Variants in GSDME observed in about 807,000 individuals in gnomAD.
GSDME encodes the protein gasdermin-E.
Under a neutral mutation model 47.5 loss-of-function variants are expected in GSDME, and 44 were observed. The ratio of observed to expected loss-of-function variants is 0.93; its 90% CI spans 0.73 to 1.19. GSDME has a LOEUF of 1.19. GSDME is among the 50% of genes most tolerant of loss of function. The pLI, the probability that GSDME is intolerant of heterozygous loss-of-function variation, is 0.00. For synonymous variants in GSDME, 258 were observed against 252.8 expected (o/e 1.02, Z -0.20); for missense variants, 663 against 604.2 (o/e 1.10, Z -1.02).
At position 24,745,701 on chromosome 7, in the gene GSDME, C is replaced by G. The variant is rs1790646027; in HGVS notation, c.212-947G>C. On this transcript the variant is annotated intron_variant, in intron 2 of 9. Transcript: ENST00000645220. The surrounding 1 kb of genome is among the most constrained non-coding windows in gnomAD (Gnocchi z 4.4). ...GGAGGATCCCTTGAGGTCAGAAGTT[C>G]AAGACCAACCTGGGCAACACCAGCT... is the stretch of plus-strand genomic sequence containing the variant. Among the ~76,000 whole-genome samples, 1 of 152,068 alleles carries G rather than the reference C, an allele frequency of 6.6e-6. No homozygotes were observed. Among genetic ancestry groups the G allele is most frequent in the African/African-American group, 2.4e-5 (1 of 41,410 alleles).
the GSDME span, among the ~76,000 whole-genome samples, chr7:24,768,914 C>G: frequency 6.6e-6 from 1 of 152,218 alleles, no homozygotes. The surrounding 1 kb of genome is among the most constrained non-coding windows in gnomAD (Gnocchi z 5.6). Context: ...CATTGAGCCC[C>G]TGGTATGTGC....
chr7:24,754,558 TA>T lies in GSDME; in HGVS notation c.-20+2837del, dbSNP rs1368820962. 1.3e-5 allele frequency among the ~76,000 whole-genome samples: 2 copies of T among 149,568 alleles called. No homozygotes were observed. Among genetic ancestry groups the T allele is most frequent in the African/African-American group, 2.5e-5 (1 of 40,572 alleles). ...TTCCCAGCTGAAAGCAGATGAGAACTAAAAAGGCCAAAGCAAATGCAGTAAG... is the reference window on the plus strand; with the variant it reads ...TTCCCAGCTGAAAGCAGATGAGAACTAAAAGGCCAAAGCAAATGCAGTAAG... On this transcript the variant is annotated intron_variant, in intron 1 of 9. Coordinates refer to ENST00000645220, the MANE Select transcript of GSDME (RefSeq NM_001127453.2). This position sits in a 1 kb window ranked among gnomAD's most constrained non-coding sequence, Gnocchi z 5.0.
the GSDME span, among the ~76,000 whole-genome samples, chr7:24,774,291 CCCTCCCTCCCTTCCTCCCTCCCTT>C: frequency 1.5e-4 from 5 of 32,492 alleles, no homozygotes; most frequent in African/African-American, 1.1e-3. Flanking sequence ...CTTCCTCCCT[CCCTCCCTCCCTTCCTCCCTCCCTT>C]CCTTCTTCCC....
At chr7:24,788,638 G>A in the GSDME span, among the ~76,000 whole-genome samples, 5 of 152,280 alleles carry the variant, frequency 3.3e-5, no homozygotes, top group Admixed American at 2.0e-4. The surrounding 1 kb of genome is among the most constrained non-coding windows in gnomAD (Gnocchi z 4.6). Flanking sequence ...GGACATTAAC[G>A]GTGATAATGC....
In GSDME at chr7:24,710,205, C is replaced by A. The variant is rs372631653; in HGVS notation, c.862+19G>T. 4 of 1,612,628 alleles carry A rather than the reference C, an allele frequency of 2.5e-6. No individual in the cohort carries two copies. Among genetic ancestry groups the A allele is most frequent in the African/African-American group, 2.7e-5 (2 of 74,906 alleles). ...AGTTGGCCCTCAACTGCCCACTACT[C>A]CTGCCCTGCTGGCAATACCTTGCTT... On this transcript the variant is annotated intron_variant, in intron 6 of 9. Transcript: ENST00000645220.
intron 3 of GSDME, among the ~76,000 whole-genome samples, chr7:24,729,396 A>T (rs749982000): frequency 6.6e-6 from 1 of 152,278 alleles, no homozygotes; most frequent in Non-Finnish European, 1.5e-5. Context: ...AACTGGGCTC[A>T]GTGTGCCAAA....
intron 6 of GSDME, among the ~76,000 whole-genome samples, chr7:24,709,821 G>A (rs1263163133): frequency 3.9e-5 from 6 of 152,130 alleles, no homozygotes; most frequent in Admixed American, 2.0e-4. Flanking sequence ...AGCATTGCTT[G>A]TCTTGACAAT....
At chr7:24,795,487 G>T in the GSDME span, among the ~76,000 whole-genome samples, 1 of 152,172 alleles carries the variant, frequency 6.6e-6, no homozygotes, top group South Asian at 2.1e-4. Context: ...TTACAACTAA[G>T]GGGGTCTGCG....
chr7:24,790,962 T>A, the GSDME span, among the ~76,000 whole-genome samples: 1 of 152,144 alleles, frequency 6.6e-6, no homozygotes, highest in South Asian at 2.1e-4. The surrounding 1 kb of genome is among the most constrained non-coding windows in gnomAD (Gnocchi z 4.1). Flanking sequence ...TTAAGGAAAA[T>A]AAATCCCATG....
Position 24,736,909 on chromosome 7 carries a change from A to T in GSDME, c.404+7653T>A, listed in dbSNP as rs1465254837. Among the ~76,000 whole-genome samples, 1 of 152,232 alleles carries T rather than the reference A, an allele frequency of 6.6e-6. No individual in the cohort carries two copies. Among genetic ancestry groups the T allele is most frequent in the Non-Finnish European group, 1.5e-5 (1 of 68,030 alleles). ...ATGGAAATTAAACAACATGCTCCTG[A>T]ATGACCAGTGAGTCAATGACGACAC... On this transcript the variant is annotated intron_variant, in intron 3 of 9. Transcript: ENST00000645220. The surrounding 1 kb of genome is among the most constrained non-coding windows in gnomAD (Gnocchi z 4.6).
intron 5 of GSDME, 26 bp downstream of exon 5, chr7:24,717,228 C>T (rs764949429): frequency 9.3e-6 from 15 of 1,613,838 alleles, no homozygotes; most frequent in African/African-American, 2.7e-5. Context: ...GGGGATCCCT[C>T]AGCACCCATA....
rs749815627 is a variant in GSDME at position 24,699,192 on chromosome 7, G to A, written c.1325C>T (p.Thr442Ile). ...EDPTLTPLKDTERFGIVQRLF... is the reference protein window; with the variant it reads ...EDPTLTPLKDIERFGIVQRLF... ...GCGCTGCACAATCCCAAACCTTTCT[G>A]TATCTTTCAGGGGAGTCAAGGTTGG... is the stretch of plus-strand genomic sequence containing the variant. The change falls in exon 10 of 10, where the codon ACA (threonine) becomes ATA (isoleucine). Residue 442 changes from threonine (T) to isoleucine (I), a missense_variant. Coordinates refer to ENST00000645220, the MANE Select transcript of GSDME (RefSeq NM_001127453.2). 2.5e-6 allele frequency: 4 copies of A among 1,614,152 alleles called. No individual in the cohort carries two copies. Among genetic ancestry groups the A allele is most frequent in the East Asian group, 2.2e-5 (1 of 44,878 alleles).
In GSDME at chr7:24,742,875, G is replaced by A. The variant is rs953410243; in HGVS notation, c.404+1687C>T. On this transcript the variant is annotated intron_variant, in intron 3 of 9. Transcript: ENST00000645220. The surrounding 1 kb of genome is among the most constrained non-coding windows in gnomAD (Gnocchi z 4.4). Reference sequence around the variant, plus strand: ...CTAGTGTGTCCCAACAATTGCAGTTGAGAAGGAAAATGGGACTCTAGCAAA... The same window carrying A: ...CTAGTGTGTCCCAACAATTGCAGTTAAGAAGGAAAATGGGACTCTAGCAAA... 3.9e-5 allele frequency among the ~76,000 whole-genome samples: 6 copies of A among 152,206 alleles called. No homozygotes were observed. Among genetic ancestry groups the A allele is most frequent in the African/African-American group, 1.2e-4 (5 of 41,460 alleles).
chr7:24,755,397 C>G (rs747676387), intron 1 of GSDME, among the ~76,000 whole-genome samples: 6 of 152,136 alleles, frequency 3.9e-5, no homozygotes, highest in African/African-American at 1.4e-4. Flanking sequence ...TCATTTTTGA[C>G]GAGATTTACG....
the GSDME span, among the ~76,000 whole-genome samples, chr7:24,782,678 C>G: frequency 6.6e-6 from 1 of 152,206 alleles, no homozygotes; most frequent in Admixed American, 6.5e-5. Flanking sequence ...TTTACAGTCC[C>G]ACCAACAGTG....
the GSDME span, among the ~76,000 whole-genome samples, chr7:24,766,290 CTTTATTTATTTA>C: frequency 6.7e-6 from 1 of 150,254 alleles, no homozygotes; most frequent in South Asian, 2.2e-4. The surrounding 1 kb of genome is among the most constrained non-coding windows in gnomAD (Gnocchi z 4.2). Context: ...CTGCACAACA[CTTTATTTATTTA>C]TTTATTTATT....
the GSDME span, among the ~76,000 whole-genome samples, chr7:24,782,664 C>T: frequency 6.6e-6 from 1 of 152,194 alleles, no homozygotes; most frequent in Non-Finnish European, 1.5e-5. Flanking sequence ...AATGGTTGAA[C>T]TAGTTTACAG....
chr7:24,704,458 AG>A (rs1306977232), intron 8 of GSDME: 1 of 152,186 alleles, frequency 6.6e-6, no homozygotes, highest in Non-Finnish European at 1.5e-5. Context: ...TTATATTAAG[AG>A]GAAAAAAAAT....
chr7:24,730,769 C>T (rs760001323), intron 3 of GSDME, among the ~76,000 whole-genome samples: 1 of 152,126 alleles, frequency 6.6e-6, no homozygotes, highest in Non-Finnish European at 1.5e-5. Flanking sequence ...GAGCTGAGAT[C>T]GCACCACTGC....
Sources: gnomAD v4.1 joint callset for allele counts (sites outside exome capture counted in the v4.1 genomes callset) on GRCh38, gnomAD v4.1.1 for gene constraint, Gnocchi (gnomAD v3.1) non-coding constraint, MANE v1.5 for transcripts, NCBI Gene and HGNC (gene_info 2026-07-23, HGNC 2026-07-21) for gene names.